EXOC4: variants seen among roughly 807,000 people sequenced by gnomAD.
EXOC4 encodes the protein exocyst complex component 4, also known as SEC8-like 1.
In EXOC4, 71 loss-of-function variants were observed where a neutral mutation model predicts 107.2. The observed-to-expected ratio is 0.66, with a 90% confidence interval of 0.55 to 0.81. The LOEUF is 0.81. EXOC4 is among the 30% of genes least tolerant of loss of function. The pLI is 0.00. For synonymous variants in EXOC4, 456 were observed against 441.2 expected (o/e 1.03, Z -0.42); for missense variants, 1,108 against 1,189.6 (o/e 0.93, Z 1.01).
chr7:133,529,938 C>T (rs1030320238), intron 9 of EXOC4, among the ~76,000 whole-genome samples: 1 of 152,156 alleles, frequency 6.6e-6, no homozygotes, highest in Non-Finnish European at 1.5e-5. Context: ...AACCTCTCCA[C>T]TAATGTATAT....
chr7:133,848,209 A>C (rs2116237187), intron 11 of EXOC4, among the ~76,000 whole-genome samples: 1 of 152,306 alleles, frequency 6.6e-6, no homozygotes, highest in African/African-American at 2.4e-5. Flanking sequence ...AGCAAAGGGA[A>C]CAAATGTGAA....
At chr7:133,728,220 G>A (rs1795255760) in intron 10 of EXOC4, among the ~76,000 whole-genome samples, 1 of 152,186 alleles carries the variant, frequency 6.6e-6, no homozygotes, top group Non-Finnish European at 1.5e-5. Flanking sequence ...AAAGTTCCAT[G>A]GGAAGCTAAA....
chr7:134,080,842 A>G, the EXOC4 span, among the ~76,000 whole-genome samples: 1 of 152,024 alleles, frequency 6.6e-6, no homozygotes, highest in Non-Finnish European at 1.5e-5. Flanking sequence ...GCTACTTGGG[A>G]AGCTGAGGCA....
chr7:134,100,392 G>A, the EXOC4 span, among the ~76,000 whole-genome samples: 6 of 128,472 alleles, frequency 4.7e-5, 3 homozygotes, highest in Admixed American at 3.5e-4. Context: ...TATTTCTGTT[G>A]TTTTAAGCCA....
chr7:134,059,788 C>A (rs1168543306), intron 17 of EXOC4, among the ~76,000 whole-genome samples: 2 of 152,086 alleles, frequency 1.3e-5, no homozygotes, highest in African/African-American at 4.8e-5. Context: ...GAAAATATGC[C>A]AAACTGTGGT....
intron 9 of EXOC4, among the ~76,000 whole-genome samples, chr7:133,519,624 G>A (rs1399706401): frequency 6.6e-6 from 1 of 151,952 alleles, no homozygotes; most frequent in Non-Finnish European, 1.5e-5. Flanking sequence ...AAGCCAAAGA[G>A]GAATCAATCC....
At chr7:134,025,453 A>C (rs1277895453) in intron 17 of EXOC4, among the ~76,000 whole-genome samples, 1 of 152,234 alleles carries the variant, frequency 6.6e-6, no homozygotes, top group Non-Finnish European at 1.5e-5. Context: ...CTAAAACAAC[A>C]ACCATTATAT....
rs144913492 is a variant in EXOC4, at chr7:133,583,942, A to G, written c.1418-46103A>G. On this transcript the variant is annotated intron_variant, in intron 9 of 17. Coordinates refer to ENST00000253861, the MANE Select transcript of EXOC4 (RefSeq NM_021807.4). ...ATTGTGGTTGCTTTAGTTAGAGATA[A>G]CGAACTGTGGCTGTGTCTGGAGGAT... is the stretch of plus-strand genomic sequence containing the variant. Among the ~76,000 whole-genome samples the G allele has an allele frequency of 1.4e-3, 207 of 152,244 alleles. 1 individual carries two copies. Among genetic ancestry groups the G allele is most frequent in the African/African-American group, 4.7e-3 (197 of 41,558 alleles).
At chr7:133,770,432 T>C (rs576211575) in intron 10 of EXOC4, among the ~76,000 whole-genome samples, 1 of 152,074 alleles carries the variant, frequency 6.6e-6, no homozygotes, top group Admixed American at 6.6e-5. Flanking sequence ...TGACAGTTGT[T>C]GCTGTAAACC....
intron 11 of EXOC4, among the ~76,000 whole-genome samples, chr7:133,867,325 A>G (rs1014549922): frequency 5.3e-5 from 8 of 152,248 alleles, no homozygotes; most frequent in African/African-American, 1.7e-4. Context: ...TAACTTGCAT[A>G]TTACTATGAA....
chr7:133,781,988 A>G (rs573976505), intron 10 of EXOC4, among the ~76,000 whole-genome samples: 2 of 152,346 alleles, frequency 1.3e-5, no homozygotes, highest in African/African-American at 2.4e-5. Flanking sequence ...AATTTTAATA[A>G]TCATTTCTTT....
intron 10 of EXOC4, among the ~76,000 whole-genome samples, chr7:133,646,086 A>G (rs1041884674): frequency 1.3e-5 from 2 of 152,102 alleles, no homozygotes; most frequent in African/African-American, 4.8e-5. Context: ...CTCCTATGTG[A>G]GACATTTGTT....
At chr7:133,718,529 G>T (rs1288216151) in intron 10 of EXOC4, among the ~76,000 whole-genome samples, 1 of 152,066 alleles carries the variant, frequency 6.6e-6, no homozygotes, top group African/African-American at 2.4e-5. Flanking sequence ...GTCAGCTCTG[G>T]GGTCACTATC....
At chr7:133,442,380 A>G (rs1004562920) in intron 7 of EXOC4, among the ~76,000 whole-genome samples, 2 of 152,214 alleles carry the variant, frequency 1.3e-5, no homozygotes, top group Non-Finnish European at 2.9e-5. Context: ...TTCATTTATT[A>G]AACATTTATT....
intron 9 of EXOC4, among the ~76,000 whole-genome samples, chr7:133,612,157 TTA>T (rs1045005638): frequency 3.3e-5 from 5 of 152,046 alleles, no homozygotes; most frequent in African/African-American, 4.8e-5. Context: ...ACTCAGACAT[TTA>T]TATATATATG....
At position 133,591,115 on chromosome 7, in the gene EXOC4, AG is replaced by A. The variant is rs549004990; in HGVS notation, c.1418-38927del. On this transcript the variant is annotated intron_variant, in intron 9 of 17. Transcript: ENST00000253861. ...CCACCCTCTTCCGGAGTCCCACAAA[AG>A]GGCCAAGGGAACTATCCTATTTCAA... Among the ~76,000 whole-genome samples the A allele has an allele frequency of 1.2e-3, 185 of 152,310 alleles. 7 individuals carry two copies. In the South Asian group the frequency reaches 0.036, roughly 30 times the overall value.
At chr7:133,599,905 TTTTTTTTTTTG>T (rs1433357290) in intron 9 of EXOC4, among the ~76,000 whole-genome samples, 3 of 114,276 alleles carry the variant, frequency 2.6e-5, no homozygotes, top group South Asian at 6.0e-4. Context: ...TTTTTTTTTT[TTTTTTTTTTTG>T]GGAGACAGGG....
At chr7:133,367,265 C>T (rs919814221) in intron 6 of EXOC4, among the ~76,000 whole-genome samples, 17 of 152,062 alleles carry the variant, frequency 1.1e-4, no homozygotes, top group South Asian at 4.2e-4. Flanking sequence ...AAGAGTTTAC[C>T]GCATTTAAGG....
At chr7:133,988,957 G>A (rs1226971526) in intron 14 of EXOC4, among the ~76,000 whole-genome samples, 1 of 152,126 alleles carries the variant, frequency 6.6e-6, no homozygotes, top group Non-Finnish European at 1.5e-5. Context: ...AGTCAAATTT[G>A]TGTTTTGGGT....
Sources: allele counts gnomAD v4.1 joint callset (sites outside exome capture counted in the v4.1 genomes callset), GRCh38; gene constraint gnomAD v4.1.1; transcripts MANE v1.5; gene names NCBI Gene and HGNC (gene_info 2026-07-23, HGNC 2026-07-21).